RTN1: variants seen among roughly 807,000 people sequenced by gnomAD.
RTN1 encodes reticulon-1.
A neutral mutation model predicts 65.5 loss-of-function variants in RTN1; 25 were observed. The observed-to-expected ratio is 0.38, with a 90% confidence interval of 0.28 to 0.53. The LOEUF (loss-of-function observed/expected upper bound fraction) is 0.53, where lower values mean the gene tolerates loss of function less well. RTN1 is among the 20% of genes least tolerant of loss of function. RTN1 has a pLI of 0.79. For synonymous variants in RTN1, 471 were observed against 447.6 expected (o/e 1.05, Z -0.66); for missense variants, 983 against 1,025.4 (o/e 0.96, Z 0.57).
chr14:59,771,468 T>C (rs1445246931), intron 1 of RTN1, among the ~76,000 whole-genome samples: 1 of 152,236 alleles, frequency 6.6e-6, no homozygotes, highest in Admixed American at 6.5e-5. Flanking sequence ...CACAGAGGTA[T>C]GTGAATCATA....
chr14:59,722,542 G>C (rs906058919), intron 3 of RTN1, among the ~76,000 whole-genome samples: 1 of 152,108 alleles, frequency 6.6e-6, no homozygotes, highest in Non-Finnish European at 1.5e-5. Flanking sequence ...AGTACGATAA[G>C]GGAGGAAAAA....
intron 1 of RTN1, among the ~76,000 whole-genome samples, chr14:59,804,998 G>T (rs1022766208): frequency 6.6e-6 from 1 of 152,212 alleles, no homozygotes; most frequent in Non-Finnish European, 1.5e-5. Flanking sequence ...TTCACAAAGA[G>T]AAGGCAAAGG....
At chr14:59,664,760 T>G (rs1246979948) in intron 3 of RTN1, among the ~76,000 whole-genome samples, 1 of 152,220 alleles carries the variant, frequency 6.6e-6, no homozygotes. Flanking sequence ...ATCATTCACC[T>G]GCTGAAGAAA....
At chr14:59,782,719 C>G (rs1886179160) in intron 1 of RTN1, among the ~76,000 whole-genome samples, 2 of 152,106 alleles carry the variant, frequency 1.3e-5, no homozygotes, top group South Asian at 4.1e-4. Context: ...AATCTAGGAC[C>G]TGATTTATAG....
At chr14:59,752,639 T>C (rs1239110362) in intron 1 of RTN1, among the ~76,000 whole-genome samples, 1 of 152,202 alleles carries the variant, frequency 6.6e-6, no homozygotes, top group African/African-American at 2.4e-5. Flanking sequence ...TATATGTACA[T>C]GTTACCTTCT....
At position 59,868,208 on chromosome 14, in the gene RTN1, C is replaced by T. The variant is rs1887831069; in HGVS notation, c.241+2182G>A. Among the ~76,000 whole-genome samples, 1 of 152,124 alleles carries T rather than the reference C, an allele frequency of 6.6e-6. No homozygotes were observed. The highest frequency in any genetic ancestry group is 1.5e-5 in the Non-Finnish European group (1 of 68,024). On this transcript the variant is annotated intron_variant, in intron 1 of 8. Transcript: ENST00000267484. The surrounding 1 kb of genome is among the most constrained non-coding windows in gnomAD (Gnocchi z 4.0). ...AGTCTCTTATAGCAGCACATCCGGT[C>T]TACTTAATAAGAAACACAGAGATTT... is the stretch of plus-strand genomic sequence containing the variant.
chr14:59,834,198 A>G (rs1206510482), intron 1 of RTN1, among the ~76,000 whole-genome samples: 1 of 152,220 alleles, frequency 6.6e-6, no homozygotes, highest in Non-Finnish European at 1.5e-5. Context: ...ATCACACATC[A>G]TATACAAAAA....
chr14:59,651,336 G>T (rs1883016172), intron 3 of RTN1, among the ~76,000 whole-genome samples: 1 of 152,148 alleles, frequency 6.6e-6, no homozygotes, highest in African/African-American at 2.4e-5. Flanking sequence ...CTAGCCATAT[G>T]CAGAAAACTG....
intron 3 of RTN1, among the ~76,000 whole-genome samples, chr14:59,695,232 C>G (rs138513819): frequency 1.1e-3 from 169 of 152,178 alleles, no homozygotes; most frequent in African/African-American, 3.9e-3. Flanking sequence ...TTCAGAAGAA[C>G]GTTCTCTTTA....
chr14:59,819,861 G>C, intron 1 of RTN1, among the ~76,000 whole-genome samples: 1 of 152,102 alleles, frequency 6.6e-6, no homozygotes, highest in East Asian at 1.9e-4. Flanking sequence ...CAGCCGCTCC[G>C]AGTGCGGGGC....
intron 1 of RTN1, among the ~76,000 whole-genome samples, chr14:59,811,113 T>G (rs1705653890): frequency 1.3e-5 from 2 of 152,208 alleles, no homozygotes; most frequent in African/African-American, 4.8e-5. Flanking sequence ...TGCTCAAGGA[T>G]TCCCAGGGGA....
chr14:59,837,045 A>ATATATATATATATATATATATATATAT (rs141708359), intron 1 of RTN1, among the ~76,000 whole-genome samples: 1 of 151,610 alleles, frequency 6.6e-6, no homozygotes, highest in African/African-American at 2.4e-5. Context: ...ATATATATAT[A>ATATATATATATATATATATATATATAT]AAAGGAGAAA....
intron 1 of RTN1, among the ~76,000 whole-genome samples, chr14:59,749,688 TAC>T (rs1248156656): frequency 1.4e-4 from 12 of 86,440 alleles, no homozygotes; most frequent in East Asian, 8.7e-4. Context: ...TCTATATATT[TAC>T]ATATATATCT....
chr14:59,614,853 T>G (rs8004177), intron 3 of RTN1, among the ~76,000 whole-genome samples: 114,134 of 152,152 alleles, frequency 0.75, 43,224 homozygotes, highest in East Asian at 0.86. Context: ...AATAAAAGTT[T>G]CTAACAGTTA....
rs141708359 is a variant in RTN1, at chr14:59,837,045, A to ATATATATATT, written c.241+33344_241+33345insAATATATATA. On this transcript the variant is annotated intron_variant, in intron 1 of 8. Transcript: ENST00000267484. ...GGGGTAAGTATGGCCATATATATAT[A>ATATATATATT]AAAGGAGAAATAGGACTACCTCATA... 3.9e-3 allele frequency among the ~76,000 whole-genome samples: 587 copies of ATATATATATT among 151,696 alleles called. 5 individuals carry two copies. Among genetic ancestry groups the ATATATATATT allele is most frequent in the East Asian group, 0.02 (104 of 5,128 alleles).
At chr14:59,610,320 G>A in intron 3 of RTN1, 2 of 574,472 alleles carry the variant, frequency 3.5e-6, no homozygotes, top group Non-Finnish European at 6.2e-6. Flanking sequence ...TAAGATTGCA[G>A]GAGGTTTCTA....
chr14:59,813,524 T>C (rs933187818), intron 1 of RTN1, among the ~76,000 whole-genome samples: 1 of 152,206 alleles, frequency 6.6e-6, no homozygotes, highest in African/African-American at 2.4e-5. Flanking sequence ...CGTGTATCTT[T>C]GTAAGACCGC....
intron 3 of RTN1, among the ~76,000 whole-genome samples, chr14:59,629,202 A>C (rs1284907267): frequency 6.6e-6 from 1 of 152,234 alleles, no homozygotes; most frequent in Admixed American, 6.5e-5. Context: ...TACTTTTGAC[A>C]ACGGTATTTC....
At chr14:59,612,157 G>C (rs1881970168) in intron 3 of RTN1, among the ~76,000 whole-genome samples, 1 of 152,180 alleles carries the variant, frequency 6.6e-6, no homozygotes, top group African/African-American at 2.4e-5. Flanking sequence ...TATTTTGCTG[G>C]GATGGAAAAT....
Sources: allele counts gnomAD v4.1 joint callset (sites outside exome capture counted in the v4.1 genomes callset), GRCh38; gene constraint gnomAD v4.1.1; non-coding constraint Gnocchi (gnomAD v3.1); transcripts MANE v1.5; gene names NCBI Gene and HGNC (gene_info 2026-07-23, HGNC 2026-07-21).